RNF180: variants seen among roughly 807,000 people sequenced by gnomAD.
RNF180 encodes E3 ubiquitin-protein ligase RNF180.
Under a neutral mutation model 59.2 loss-of-function variants are expected in RNF180, and 38 were observed. The ratio of observed to expected loss-of-function variants is 0.64; its 90% CI spans 0.50 to 0.84. The LOEUF (loss-of-function observed/expected upper bound fraction) is 0.84, where lower values mean the gene tolerates loss of function less well. Ranked by LOEUF, RNF180 falls within the 40% of genes least tolerant of loss-of-function variation. RNF180 has a pLI of 0.00. For synonymous variants in RNF180, 262 were observed against 240.3 expected, an observed-to-expected ratio of 1.09 and a Z score of -0.84; for missense variants, 705 against 700.9, an observed-to-expected ratio of 1.01 and a Z score of -0.07.
At chr5:64,319,210 G>A (rs1744218472) in intron 5 of RNF180, among the ~76,000 whole-genome samples, 1 of 151,190 alleles carries the variant, frequency 6.6e-6, no homozygotes, top group African/African-American at 2.4e-5. Context: ...CTATAAAAAG[G>A]TTACCTTGAG....
At chr5:64,202,384 A>T (rs1603089) in intron 2 of RNF180, among the ~76,000 whole-genome samples, 2 of 151,972 alleles carry the variant, frequency 1.3e-5, no homozygotes, top group Admixed American at 1.3e-4. Flanking sequence ...CAGTTTATCA[A>T]TTTTTTTCTG....
intron 5 of RNF180, among the ~76,000 whole-genome samples, chr5:64,239,989 A>T (rs898348360): frequency 6.6e-6 from 1 of 152,150 alleles, no homozygotes; most frequent in Non-Finnish European, 1.5e-5. Context: ...AAACTCAGGA[A>T]CCAAATGGGT....
chr5:64,259,814 G>C (rs552915788), intron 5 of RNF180, among the ~76,000 whole-genome samples: 2 of 151,926 alleles, frequency 1.3e-5, no homozygotes, highest in Non-Finnish European at 2.9e-5. Context: ...CCAGCTACTC[G>C]GGAGGCTGAG....
At chr5:64,354,227 A>G (rs1445302301) in intron 7 of RNF180, among the ~76,000 whole-genome samples, 2 of 151,788 alleles carry the variant, frequency 1.3e-5, no homozygotes, top group Non-Finnish European at 2.9e-5. Flanking sequence ...TACACTGACA[A>G]AGATAAAAGA....
chr5:64,342,628 A>G lies in RNF180; in HGVS notation c.1579+12222A>G, dbSNP rs539058721. ...ATAATAAGAATCCTCCTTAAGATAT[A>G]TCTCATATTTTAAACCTATATAGGA... On this transcript the variant is annotated intron_variant, in intron 7 of 7. Transcript: ENST00000389100. Among the ~76,000 whole-genome samples, 8 of 152,210 alleles carry G rather than the reference A, an allele frequency of 5.3e-5. No individual in the cohort carries two copies. In the East Asian group the frequency reaches 1.4e-3, roughly 26 times the overall value.
intron 5 of RNF180, among the ~76,000 whole-genome samples, chr5:64,320,070 G>T (rs1332659054): frequency 6.6e-6 from 1 of 152,174 alleles, no homozygotes; most frequent in Non-Finnish European, 1.5e-5. Context: ...CCCCATCCCA[G>T]ATCTACTGAA....
intron 7 of RNF180, among the ~76,000 whole-genome samples, chr5:64,335,016 C>G (rs992897803): frequency 6.6e-6 from 1 of 152,132 alleles, no homozygotes; most frequent in African/African-American, 2.4e-5. Flanking sequence ...CTTTGTCTAC[C>G]ACATTTGGTA....
At chr5:64,262,116 G>A (rs959207942) in intron 5 of RNF180, among the ~76,000 whole-genome samples, 4 of 152,056 alleles carry the variant, frequency 2.6e-5, no homozygotes, top group Non-Finnish European at 5.9e-5. Flanking sequence ...ACACCTGAGG[G>A]AGGATTCCCC....
chr5:64,289,796 T>C (rs1742477304), intron 5 of RNF180, among the ~76,000 whole-genome samples: 2 of 152,124 alleles, frequency 1.3e-5, no homozygotes, highest in Admixed American at 1.3e-4. Flanking sequence ...TCTTTATTAG[T>C]GTAGCTAGTG....
chr5:64,350,713 G>C (rs1470995503), intron 7 of RNF180, among the ~76,000 whole-genome samples: 1 of 151,338 alleles, frequency 6.6e-6, no homozygotes, highest in Non-Finnish European at 1.5e-5. Flanking sequence ...AAGATCAGAT[G>C]GTTGTAGATG....
chr5:64,257,313 C>T (rs1744031702), intron 5 of RNF180, among the ~76,000 whole-genome samples: 1 of 152,112 alleles, frequency 6.6e-6, no homozygotes, highest in Non-Finnish European at 1.5e-5. Context: ...AGCTTTTGCC[C>T]ATTCAGTATG....
intron 5 of RNF180, among the ~76,000 whole-genome samples, chr5:64,283,071 C>A (rs1742093861): frequency 6.6e-6 from 1 of 152,124 alleles, no homozygotes; most frequent in African/African-American, 2.4e-5. Context: ...CCACCTCAGT[C>A]ATTTGTCTAA....
chr5:64,198,291 G>C (rs1019466616), intron 1 of RNF180, among the ~76,000 whole-genome samples: 1 of 152,210 alleles, frequency 6.6e-6, no homozygotes, highest in South Asian at 2.1e-4. Context: ...AGTAGCTACT[G>C]TATAGAATAG....
chr5:64,177,157 A>G (rs946081520), intron 1 of RNF180, among the ~76,000 whole-genome samples: 3 of 152,164 alleles, frequency 2.0e-5, no homozygotes, highest in African/African-American at 7.2e-5. Flanking sequence ...CTGACTTAGA[A>G]CTACTAAGGC....
At chr5:64,208,196 A>G (rs1205842662) in intron 2 of RNF180, among the ~76,000 whole-genome samples, 1 of 152,066 alleles carries the variant, frequency 6.6e-6, no homozygotes, top group East Asian at 1.9e-4. Context: ...TGAACAAATT[A>G]TTTCATTTAC....
intron 5 of RNF180, among the ~76,000 whole-genome samples, chr5:64,270,362 G>A (rs538219497): frequency 6.6e-6 from 1 of 152,228 alleles, no homozygotes; most frequent in African/African-American, 2.4e-5. Flanking sequence ...TTGAGTAAAT[G>A]CACTATTTAT....
rs559035709 is a variant in RNF180, at chr5:64,289,971, A to G, written c.1228-35215A>G. Among the ~76,000 whole-genome samples the G allele has an allele frequency of 4.6e-5, 7 of 151,768 alleles. No individual in the cohort carries two copies. The South Asian group carries it at 1.5e-3, about 32-fold the overall frequency. ...TGGTTCTCTAGTTATTTTACTTGTGATGTTAGGTTGTTAATTTGAGGTTTT... is the reference window on the plus strand; with the variant it reads ...TGGTTCTCTAGTTATTTTACTTGTGGTGTTAGGTTGTTAATTTGAGGTTTT... On this transcript the variant is annotated intron_variant, in intron 5 of 7. Coordinates refer to ENST00000389100, the MANE Select transcript of RNF180 (RefSeq NM_001113561.2).
intron 5 of RNF180, among the ~76,000 whole-genome samples, chr5:64,292,903 C>A (rs1266424752): frequency 6.6e-6 from 1 of 152,190 alleles, no homozygotes; most frequent in East Asian, 1.9e-4. Flanking sequence ...AGCGGTCTGG[C>A]CACAATCTGG....
chr5:64,364,979 A>G (rs1746393258), intron 7 of RNF180, among the ~76,000 whole-genome samples: 1 of 149,922 alleles, frequency 6.7e-6, no homozygotes, highest in Non-Finnish European at 1.5e-5. Flanking sequence ...TAGTCTAGCT[A>G]GTGGCCTGTC....
Sources: gnomAD v4.1 joint callset for allele counts (sites outside exome capture counted in the v4.1 genomes callset) on GRCh38, gnomAD v4.1.1 for gene constraint, MANE v1.5 for transcripts, NCBI Gene and HGNC (gene_info 2026-07-23, HGNC 2026-07-21) for gene names.